Variants in HSH2D observed in about 807,000 individuals in gnomAD.
The protein encoded by HSH2D is hematopoietic SH2 domain-containing protein.
In HSH2D, 16 loss-of-function variants were observed where a neutral mutation model predicts 21.5. That is an observed-to-expected ratio of 0.74 (90% CI 0.50 to 1.13). The LOEUF (loss-of-function observed/expected upper bound fraction) is 1.13. Among genes scored for constraint, HSH2D ranks in the 50% most tolerant of loss-of-function variants. The pLI, the probability that HSH2D is intolerant of heterozygous loss-of-function variation, is 0.00. For synonymous variants in HSH2D, 172 were observed against 184.7 expected (o/e 0.93, Z 0.56); for missense variants, 418 against 441.4 (o/e 0.95, Z 0.47).
intron 2 of HSH2D, among the ~76,000 whole-genome samples, chr19:16,149,997 T>C (rs1312241744): frequency 6.6e-6 from 1 of 152,196 alleles, no homozygotes; most frequent in Non-Finnish European, 1.5e-5. Context: ...GAGAAAATTC[T>C]GTGAAGGCCA....
Position 16,144,686 on chromosome 19 carries a change from C to CTTTT in HSH2D, c.-28+933_-28+936dup, listed in dbSNP as rs35070155. The stretch of plus-strand genomic sequence containing the variant: ...GGCCATCTGGGTCGAATTCTAGGCT[C>CTTTT]TTTTTTTTTTTTTTTTTTTTTTTTG... On this transcript the variant is annotated intron_variant, in intron 1 of 5. Coordinates refer to ENST00000613986, the MANE Select transcript of HSH2D (RefSeq NM_001382417.1). 1.6e-3 allele frequency among the ~76,000 whole-genome samples: 138 copies of CTTTT among 85,922 alleles called. 1 individual carries two copies. The highest frequency in any genetic ancestry group is 2.3e-3 in the South Asian group (5 of 2,206). The allele number at this position is 85,922 out of a possible 152,430, so 56.4% of individuals were successfully genotyped here.
At chr19:16,143,653 A>G, upstream of HSH2D, 1 of 407,342 alleles carries the variant, frequency 2.5e-6, no homozygotes, top group East Asian at 8.1e-5. Flanking sequence ...TTGAGGAAAC[A>G]GGAACTGCCT....
chr19:16,153,576 A>C (rs986365144), intron 4 of HSH2D, among the ~76,000 whole-genome samples: 3 of 132,096 alleles, frequency 2.3e-5, no homozygotes, highest in African/African-American at 9.6e-5. Context: ...CTCCCAATAA[A>C]CTGCTGTGGG....
upstream of HSH2D, among the ~76,000 whole-genome samples, chr19:16,140,686 G>A (rs144105496): frequency 2.0e-3 from 302 of 151,658 alleles, no homozygotes; most frequent in African/African-American, 6.0e-3. Context: ...TCACTTGAAC[G>A]AGACCAACCT....
rs532638755 is a variant in HSH2D at position 16,158,552 on chromosome 19, T to A, written c.*758T>A. 13 of 151,832 alleles carry A rather than the reference T, an allele frequency of 8.6e-5. No individual in the cohort carries two copies. The highest frequency in any genetic ancestry group is 2.9e-4 in the African/African-American group (12 of 41,382). The allele number at this position is 151,832 out of a possible 1,614,324, so 9.4% of individuals were successfully genotyped here. A position where few individuals can be genotyped will look rare whatever the true frequency, so the allele number is the denominator to read the frequency against. On this transcript the variant is annotated 3_prime_UTR_variant, in exon 6 of 6. Coordinates refer to ENST00000613986, the MANE Select transcript of HSH2D (RefSeq NM_001382417.1). Reference sequence around the variant, plus strand: ...CCATCTCAAAAAATAAATAAATAAATAAAAATGAAATTAAAAAATAAAAGC... The same window carrying A: ...CCATCTCAAAAAATAAATAAATAAAAAAAAATGAAATTAAAAAATAAAAGC...
intron 2 of HSH2D, chr19:16,151,550 T>G (rs2091150619): frequency 2.2e-6 from 1 of 455,818 alleles, no homozygotes; most frequent in Admixed American, 2.4e-5. Flanking sequence ...AGAGCTGGGT[T>G]ATGAACTCGA....
In HSH2D at chr19:16,138,368, G is replaced by A. The variant is rs541900882; in HGVS notation, c.-323-3573G>A. ...CATTCATTCATTCATGGACATTTGGGTTGTTTCCACCGTTTGGACACCTTA... is the reference window on the plus strand; with the variant it reads ...CATTCATTCATTCATGGACATTTGGATTGTTTCCACCGTTTGGACACCTTA... On this transcript the variant is annotated intron_variant, in intron 1 of 7. Transcript: ENST00000616645. 1.8e-4 allele frequency among the ~76,000 whole-genome samples: 27 copies of A among 152,296 alleles called. 1 individual carries two copies. In the South Asian group the frequency reaches 5.6e-3, roughly 32 times the overall value.
chr19:16,152,932 G>A, intron 3 of HSH2D, 111 bp from the exon 4 acceptor site: 3 of 1,306,586 alleles, frequency 2.3e-6, no homozygotes, highest in Non-Finnish European at 3.2e-6. Flanking sequence ...AGCCTGCATG[G>A]GAACCTGGGG....
In HSH2D at chr19:16,152,672, G is replaced by A. The variant is rs758240190; in HGVS notation, c.215+31G>A. On this transcript the variant is annotated intron_variant, in intron 3 of 5. Transcript: ENST00000613986. ...GCCTGGGCCGGGATCCAGGGCAGGG[G>A]CAGGTGGGCTCTTGGGTTTCCTTGG... 1.1e-5 allele frequency: 16 copies of A among 1,510,740 alleles called. No individual in the cohort carries two copies. In the East Asian group the frequency reaches 1.9e-4, roughly 18 times the overall value. The allele number at this position is 1,510,740 out of a possible 1,614,324, so 93.6% of individuals were successfully genotyped here. A position where few individuals can be genotyped will look rare whatever the true frequency, so the allele number is the denominator to read the frequency against.
At chr19:16,148,300 C>T (rs1353813398) in intron 1 of HSH2D, among the ~76,000 whole-genome samples, 2 of 152,104 alleles carry the variant, frequency 1.3e-5, no homozygotes, top group African/African-American at 2.4e-5. Flanking sequence ...AAGTGCCCAC[C>T]ACCACACCCA....
At chr19:16,144,700 T>C (rs2091041119) in intron 1 of HSH2D, among the ~76,000 whole-genome samples, 1 of 131,862 alleles carries the variant, frequency 7.6e-6, no homozygotes, top group Admixed American at 7.5e-5. Context: ...TTTTTTTTTT[T>C]TTTTTTTTTT....
chr19:16,140,561 C>A (rs2090993162), upstream of HSH2D, among the ~76,000 whole-genome samples: 1 of 151,990 alleles, frequency 6.6e-6, no homozygotes, highest in Non-Finnish European at 1.5e-5. Context: ...GCCAAGATCG[C>A]ACCACTGTAC....
chr19:16,143,949 C>G (rs758096175), intron 1 of HSH2D, among the ~76,000 whole-genome samples, 175 bp downstream of exon 1: 1 of 151,606 alleles, frequency 6.6e-6, no homozygotes, highest in Admixed American at 6.6e-5. Flanking sequence ...GAAAATGGAG[C>G]TGGAGTTAGG....
chr19:16,140,370 C>G (rs1298659344), upstream of HSH2D, among the ~76,000 whole-genome samples: 1 of 151,890 alleles, frequency 6.6e-6, no homozygotes, highest in East Asian at 1.9e-4. Flanking sequence ...TTTGGGAGGC[C>G]AAGGTGGGCA....
chr19:16,138,169 G>T (rs1339923389), intron 1 of HSH2D, among the ~76,000 whole-genome samples: 1 of 152,118 alleles, frequency 6.6e-6, no homozygotes, highest in African/African-American at 2.4e-5. Context: ...TGTCCAGCCA[G>T]TTCTGGACAT....
At chr19:16,141,408 AAGT>A (rs2090999040), upstream of HSH2D, among the ~76,000 whole-genome samples, 1 of 152,124 alleles carries the variant, frequency 6.6e-6, no homozygotes, top group South Asian at 2.1e-4. Flanking sequence ...GGAGAGGAGG[AAGT>A]AGTTTTGTTT....
chr19:16,149,929 C>T (rs2091126579), intron 2 of HSH2D, among the ~76,000 whole-genome samples: 1 of 151,954 alleles, frequency 6.6e-6, no homozygotes, highest in Non-Finnish European at 1.5e-5. Flanking sequence ...GATGTGGGCC[C>T]GGCTCTAACT....
Position 16,157,837 on chromosome 19 carries a change from GC to G in HSH2D, c.*45del. The G allele has an allele frequency of 7.2e-7, 1 of 1,397,264 alleles. No individual in the cohort carries two copies. The allele number at this position is 1,397,264 out of a possible 1,614,324, so 86.6% of individuals were successfully genotyped here. On this transcript the variant is annotated 3_prime_UTR_variant, in exon 6 of 6. Coordinates refer to ENST00000613986, the MANE Select transcript of HSH2D (RefSeq NM_001382417.1). The surrounding 1 kb of genome is among the most constrained non-coding windows in gnomAD (Gnocchi z 4.4). ...GCTCTGGGACTCGCTGCCAGGGGCTGCCACACTCCTGAATGCCTTAACATTT... is the reference window on the plus strand; with the variant it reads ...GCTCTGGGACTCGCTGCCAGGGGCTGCACACTCCTGAATGCCTTAACATTT...
intron 1 of HSH2D, among the ~76,000 whole-genome samples, chr19:16,134,438 A>G (rs1014635316): frequency 6.6e-6 from 1 of 152,158 alleles, no homozygotes. Flanking sequence ...TCCGTAGGGA[A>G]CTTTACCAAC....
Sources: allele counts gnomAD v4.1 joint callset (sites outside exome capture counted in the v4.1 genomes callset), GRCh38; gene constraint gnomAD v4.1.1; non-coding constraint Gnocchi (gnomAD v3.1); transcripts MANE v1.5; gene names NCBI Gene and HGNC (gene_info 2026-07-23, HGNC 2026-07-21).